The following ATP12A variants were observed in gnomAD, a reference collection of about 807,000 sequenced individuals.
The protein encoded by ATP12A is potassium-transporting ATPase alpha chain 2.
In ATP12A, 81 loss-of-function variants were observed where a neutral mutation model predicts 111.2. That is an observed-to-expected ratio of 0.73 (90% confidence interval 0.61 to 0.88). The LOEUF (loss-of-function observed/expected upper bound fraction) is 0.88. Ranked by LOEUF, ATP12A falls within the 40% of genes least tolerant of loss-of-function variation. ATP12A has a pLI of 0.00. For missense variants in ATP12A, 1,196 were observed against 1,313.1 expected, an observed-to-expected ratio of 0.91 and a Z score of 1.38; for synonymous variants, 498 against 499.8, an observed-to-expected ratio of 1.00 and a Z score of 0.05.
At chr13:24,698,329 C>G (rs1004717112) in intron 11 of ATP12A, among the ~76,000 whole-genome samples, 3 of 152,074 alleles carry the variant, frequency 2.0e-5, no homozygotes, top group African/African-American at 7.2e-5. Context: ...AGGTGAGATG[C>G]AGAGGCTCGC....
chr13:24,700,726 A>G, intron 12 of ATP12A, 21 bp from the exon 13 acceptor site: 2 of 1,600,090 alleles, frequency 1.2e-6, no homozygotes, highest in South Asian at 2.2e-5. Flanking sequence ...TCACTGACTC[A>G]CTAATTCATC....
chr13:24,684,924 C>G (rs1276556622), intron 2 of ATP12A, among the ~76,000 whole-genome samples: 1 of 152,172 alleles, frequency 6.6e-6, no homozygotes, highest in African/African-American at 2.4e-5. Flanking sequence ...TGTGGTTTTG[C>G]CATCAGCCCC....
Position 24,680,666 on chromosome 13 carries a change from G to A in ATP12A, c.-78G>A, listed in dbSNP as rs1443687671. 1.4e-5 allele frequency: 20 copies of A among 1,475,416 alleles called. No individual in the cohort carries two copies. The highest frequency in any genetic ancestry group is 4.7e-4 in the Middle Eastern group (2 of 4,250). The allele number at this position is 1,475,416 out of a possible 1,614,324, so 91.4% of individuals were successfully genotyped here. ...ACTGCCACTGCCACAGCCACACGAGGCCCCCCACCGTGCGCTCCGCCGCTG... is the reference window on the plus strand; with the variant it reads ...ACTGCCACTGCCACAGCCACACGAGACCCCCCACCGTGCGCTCCGCCGCTG... On this transcript the variant is annotated 5_prime_UTR_variant, in exon 1 of 23. Coordinates refer to ENST00000381946, the MANE Select transcript of ATP12A (RefSeq NM_001676.7).
chr13:24,707,305 A>C lies in ATP12A; in HGVS notation c.2365A>C (p.Lys789Gln), dbSNP rs1875711597. The change falls in exon 17 of 23, where the codon AAG becomes CAG. Residue 789 changes from lysine to glutamine, a missense_variant. By Grantham distance (53) the Lys-to-Gln change is moderately conservative. Transcript: ENST00000381946. ...TCGCCTGATCTTTGACAACCTCAAG[A>C]AGACTATTGCTTATTCCCTGACCAA... ...EGRLIFDNLK[K>Q]TIAYSLTKNI... 8 of 1,614,062 alleles carry C rather than the reference A, an allele frequency of 5.0e-6. No individual in the cohort carries two copies. The highest frequency in any genetic ancestry group is 6.8e-6 in the Non-Finnish European group (8 of 1,180,030).
At chr13:24,702,862 G>A (rs1367004670) in intron 14 of ATP12A, among the ~76,000 whole-genome samples, 1 of 152,192 alleles carries the variant, frequency 6.6e-6, no homozygotes, top group African/African-American at 2.4e-5. Context: ...CAGGAGAGTG[G>A]CCTGGACTGT....
intron 4 of ATP12A, among the ~76,000 whole-genome samples, 160 bp from the exon 5 acceptor site, chr13:24,689,102 A>AC (rs1874773458): frequency 6.6e-6 from 1 of 151,588 alleles, no homozygotes; most frequent in Non-Finnish European, 1.5e-5. Flanking sequence ...AAAAAAAAAA[A>AC]TCAATAAGTT....
At chr13:24,693,965 T>A (rs540939605) in intron 10 of ATP12A, among the ~76,000 whole-genome samples, 1 of 152,202 alleles carries the variant, frequency 6.6e-6, no homozygotes, top group East Asian at 1.9e-4. Context: ...GCTTTTATAG[T>A]CACTTAACTT....
intron 8 of ATP12A, 128 bp downstream of exon 8, chr13:24,691,378 C>T (rs1013924431): frequency 2.8e-5 from 33 of 1,181,748 alleles, no homozygotes; most frequent in Non-Finnish European, 3.6e-5. Flanking sequence ...CAGCGACAAC[C>T]CTGGAACATT....
chr13:24,694,712 G>A, intron 11 of ATP12A, 134 bp downstream of exon 11: 1 of 1,337,262 alleles, frequency 7.5e-7, no homozygotes, highest in East Asian at 2.4e-5. Context: ...CAGCACCCAG[G>A]CATCTGGTCC....
At chr13:24,701,036 T>C in intron 13 of ATP12A, 114 bp downstream of exon 13, 2 of 1,191,138 alleles carry the variant, frequency 1.7e-6, no homozygotes, top group Non-Finnish European at 2.3e-6. Context: ...AATATCATAA[T>C]TCCTATTTTA....
chr13:24,711,211 T>C (rs549450980), intron 21 of ATP12A, 107 bp from the exon 22 acceptor site: 2 of 1,091,838 alleles, frequency 1.8e-6, no homozygotes, highest in South Asian at 2.9e-5. Flanking sequence ...TTTGTCGTTC[T>C]TTGCAGTAAA....
intron 19 of ATP12A, 84 bp downstream of exon 19, chr13:24,709,912 G>A: frequency 1.3e-6 from 2 of 1,559,632 alleles, no homozygotes; most frequent in Non-Finnish European, 1.7e-6. Context: ...GAACCTCCAT[G>A]TCCCTGAACA....
rs1435194174 is a variant in ATP12A at position 24,701,041 on chromosome 13, A to T, written c.1881+119A>T. 4 of 1,154,982 alleles carry T rather than the reference A, an allele frequency of 3.5e-6. No homozygotes were observed. In the African/African-American group the frequency reaches 6.2e-5, roughly 18 times the overall value. The allele number at this position is 1,154,982 out of a possible 1,614,324, so 71.5% of individuals were successfully genotyped here. A position where few individuals can be genotyped will look rare whatever the true frequency, so the allele number is the denominator to read the frequency against. On this transcript the variant is annotated intron_variant, in intron 13 of 22. Coordinates refer to ENST00000381946, the MANE Select transcript of ATP12A (RefSeq NM_001676.7). ...TCTTCAAGTAAATATCATAATTCCT[A>T]TTTTATTTCTAGTTTCACTGTGCTA...
chr13:24,688,198 C>G, intron 3 of ATP12A, 121 bp from the exon 4 acceptor site: 2 of 1,128,806 alleles, frequency 1.8e-6, no homozygotes, highest in Non-Finnish European at 2.5e-6. Context: ...TCGGGACCTT[C>G]TTTGGCCACG....
In ATP12A at chr13:24,690,983, C is replaced by T. The variant is rs751786331; in HGVS notation, c.801C>T (p.Gly267=). The T allele has an allele frequency of 5.6e-6, 9 of 1,613,996 alleles. 1 individual carries two copies. The highest frequency in any genetic ancestry group is 6.8e-6 in the Non-Finnish European group (8 of 1,179,970). Residue 267 remains glycine (G), a splice_region_variant and synonymous_variant, in exon 8 of 23, where the codon GGC becomes GGT. Transcript: ENST00000381946. ...ICFYSTTCLE[G]TVTGMVINTG... is the part of the protein sequence containing the mutation. The stretch of plus-strand genomic sequence containing the variant: ...ATAAAGCATCTACTTCCCCTGTAGG[C>T]ACTGTCACCGGCATGGTTATCAACA...
rs2137697680 is a variant in ATP12A, at chr13:24,691,267, A to C, written c.1068+17A>C. The C allele has an allele frequency of 6.2e-7, 1 of 1,600,324 alleles. No individual in the cohort carries two copies. Among genetic ancestry groups the C allele is most frequent in the Non-Finnish European group, 8.5e-7 (1 of 1,173,860 alleles). On this transcript the variant is annotated intron_variant, in intron 8 of 22. Coordinates refer to ENST00000381946, the MANE Select transcript of ATP12A (RefSeq NM_001676.7). ...ACTGTCACTGTGAGTCCATGCTGTT[A>C]GACAGCCTGCACCTGGCCCTGTGGA...
Position 24,710,475 on chromosome 13 carries a change from G to A in ATP12A, c.2779G>A (p.Glu927Lys), listed in dbSNP as rs772145977. 1.9e-6 allele frequency: 3 copies of A among 1,614,118 alleles called. No homozygotes were observed. The South Asian group carries it at 3.3e-5, about 18-fold the overall frequency. Residue 927 changes from glutamate (E) to lysine (K), a missense_variant, in exon 20 of 23, where the codon GAA (glutamate) becomes AAA (lysine). By Grantham distance (56) the Glu-to-Lys change is moderately conservative. Around this residue, in one of 3 missense-constraint regions of ATP12A, gnomAD observed 1,126 missense variants for 1,228.5 expected, o/e 0.92. Coordinates refer to ENST00000381946, the MANE Select transcript of ATP12A (RefSeq NM_001676.7). The stretch of plus-strand genomic sequence containing the variant: ...CCATTAACAGACAAGGTACCAGAGG[G>A]AATACCTAGAATGGACGGGCTACAC... The part of the protein sequence containing the change: ...YGQEWTRYQR[E>K]YLEWTGYTAF...
At chr13:24,710,722 A>T (rs1875929114) in intron 20 of ATP12A, 70 bp from the exon 21 acceptor site, 1 of 1,599,090 alleles carries the variant, frequency 6.3e-7, no homozygotes, top group Non-Finnish European at 8.6e-7. Flanking sequence ...TTCTGGTGGC[A>T]TGGTCTGCTG....
chr13:24,701,028 TATC>T (rs780941834), intron 13 of ATP12A, 106 bp downstream of exon 13: 119 of 1,238,026 alleles, frequency 9.6e-5, no homozygotes, highest in Non-Finnish European at 1.2e-4. Context: ...TTCAAGTAAA[TATC>T]ATAATTCCTA....
Sources: allele counts gnomAD v4.1 joint callset (sites outside exome capture counted in the v4.1 genomes callset), GRCh38; gene constraint gnomAD v4.1.1; regional missense constraint gnomAD v4.1.1; transcripts MANE v1.5; gene names NCBI Gene and HGNC (gene_info 2026-07-23, HGNC 2026-07-21).